Variants in GPC5 observed in about 807,000 individuals in gnomAD.
GPC5 encodes glypican-5.
Under a neutral mutation model 53.9 loss-of-function variants are expected in GPC5, and 47 were observed. The observed-to-expected ratio is 0.87, with a 90% confidence interval of 0.69 to 1.11. The LOEUF (loss-of-function observed/expected upper bound fraction) is 1.11. GPC5 is among the 50% of genes most tolerant of loss of function. GPC5 has a pLI of 0.00. For missense variants in GPC5, 748 were observed against 713.1 expected (o/e 1.05, Z -0.56); for synonymous variants, 286 against 263.3 (o/e 1.09, Z -0.84).
intron 2 of GPC5, among the ~76,000 whole-genome samples, chr13:91,587,566 T>C (rs531003997): frequency 6.6e-6 from 1 of 152,282 alleles, no homozygotes; most frequent in South Asian, 2.1e-4. Context: ...TCAGCAAATA[T>C]TTTAGAGGGA....
intron 6 of GPC5, among the ~76,000 whole-genome samples, chr13:91,923,586 A>T (rs1040886323): frequency 1.3e-5 from 2 of 151,808 alleles, no homozygotes; most frequent in Non-Finnish European, 2.9e-5. Context: ...TTATGAATGT[A>T]AGTTTTGCAT....
At chr13:92,106,379 C>T (rs1477028472) in intron 6 of GPC5, among the ~76,000 whole-genome samples, 3 of 151,986 alleles carry the variant, frequency 2.0e-5, no homozygotes, top group Non-Finnish European at 4.4e-5. Context: ...ATTTGAGCTA[C>T]ATGTATGAAA....
chr13:91,663,325 T>C (rs758064720), intron 2 of GPC5, among the ~76,000 whole-genome samples: 24 of 152,254 alleles, frequency 1.6e-4, no homozygotes, highest in Non-Finnish European at 2.9e-4. Flanking sequence ...ATTTATTTCC[T>C]CACTCCGTGT....
intron 5 of GPC5, among the ~76,000 whole-genome samples, chr13:91,834,427 C>T (rs2038699471): frequency 6.6e-6 from 1 of 152,012 alleles, no homozygotes; most frequent in African/African-American, 2.4e-5. Context: ...AAAAAGAGCC[C>T]ACACAGCCAA....
chr13:91,709,129 G>A (rs1392333751), intron 3 of GPC5, among the ~76,000 whole-genome samples: 1 of 152,160 alleles, frequency 6.6e-6, no homozygotes, highest in Admixed American at 6.5e-5. Flanking sequence ...GGCACTGCTA[G>A]ACATTGGGTA....
chr13:91,713,932 AT>A (rs2036281163), intron 3 of GPC5, among the ~76,000 whole-genome samples: 1 of 152,096 alleles, frequency 6.6e-6, no homozygotes. Context: ...AGTTAGTCTA[AT>A]CTCATCCAGT....
At chr13:91,911,810 A>G (rs2039613073) in intron 6 of GPC5, among the ~76,000 whole-genome samples, 1 of 152,220 alleles carries the variant, frequency 6.6e-6, no homozygotes, top group Admixed American at 6.5e-5. Flanking sequence ...TCTGGGAGAT[A>G]GAAGAAGGAT....
At chr13:92,163,236 C>T (rs140700044) in intron 7 of GPC5, among the ~76,000 whole-genome samples, 1,696 of 151,900 alleles carry the variant, frequency 0.011, 35 homozygotes, top group African/African-American at 0.039. Context: ...CCGAGGTGGG[C>T]GGATCACCTG....
rs1289231068 is a variant in GPC5 at position 92,671,317 on chromosome 13, G to C, written c.1562-194965G>C. Among the ~76,000 whole-genome samples the C allele has an allele frequency of 4.6e-5, 7 of 152,278 alleles. No individual in the cohort carries two copies. The East Asian group carries it at 1.4e-3, about 29-fold the overall frequency. On this transcript the variant is annotated intron_variant, in intron 7 of 7. Transcript: ENST00000377067. ...ATGGCCAATGGCAGCACCTAGATTA[G>C]AGTAGGTGCTCAGCCATGGATTCAC...
intron 6 of GPC5, among the ~76,000 whole-genome samples, chr13:91,956,622 T>A (rs2040076151): frequency 1.3e-5 from 2 of 152,262 alleles, no homozygotes; most frequent in African/African-American, 4.8e-5. Flanking sequence ...GAGACTGACC[T>A]ACCTGGCATC....
intron 7 of GPC5, among the ~76,000 whole-genome samples, chr13:92,628,258 TTCTTTC>T (rs1885112576): frequency 2.3e-5 from 3 of 130,898 alleles, no homozygotes; most frequent in Admixed American, 1.7e-4. Context: ...CTTTTTCTTT[TTCTTTC>T]TTTTTTTTTT....
chr13:92,279,795 C>G (rs2139166741), intron 7 of GPC5, among the ~76,000 whole-genome samples: 1 of 152,080 alleles, frequency 6.6e-6, no homozygotes. Context: ...ATAATTTATT[C>G]AGTATGCTTA....
chr13:92,225,569 A>T lies in GPC5; in HGVS notation c.1561+80580A>T, dbSNP rs529730830. Among the ~76,000 whole-genome samples the T allele has an allele frequency of 9.2e-5, 14 of 152,300 alleles. No homozygotes were observed. The South Asian group carries it at 2.7e-3, about 29-fold the overall frequency. ...TATAAATGATTAATGCAGTCCAATA[A>T]TTGTGATTAATTGACCTGAAATAAC... On this transcript the variant is annotated intron_variant, in intron 7 of 7. Coordinates refer to ENST00000377067, the MANE Select transcript of GPC5 (RefSeq NM_004466.6).
intron 7 of GPC5, among the ~76,000 whole-genome samples, chr13:92,700,330 G>A (rs1594431539): frequency 7.5e-6 from 1 of 133,040 alleles, no homozygotes; most frequent in Non-Finnish European, 1.6e-5. Context: ...GAGCCTATGT[G>A]TGTCTTTGCA....
In GPC5 at chr13:92,472,272, C is replaced by T. The variant is rs569706523; in HGVS notation, c.1561+327283C>T. Among the ~76,000 whole-genome samples, 142 of 152,154 alleles carry T rather than the reference C, an allele frequency of 9.3e-4. 1 individual carries two copies. Among genetic ancestry groups the T allele is most frequent in the African/African-American group, 3.3e-3 (136 of 41,528 alleles). On this transcript the variant is annotated intron_variant, in intron 7 of 7. Coordinates refer to ENST00000377067, the MANE Select transcript of GPC5 (RefSeq NM_004466.6). ...CTTCACTTCTATCCCCTTCTCTTTC[C>T]AGGAATATTTATTGGAAGTTTAATC...
intron 2 of GPC5, among the ~76,000 whole-genome samples, chr13:91,535,277 C>T (rs1322723594): frequency 6.6e-6 from 1 of 152,110 alleles, no homozygotes; most frequent in Non-Finnish European, 1.5e-5. Flanking sequence ...GATTATCATG[C>T]CTGCATTATG....
chr13:92,478,910 G>A (rs549445215), intron 7 of GPC5, among the ~76,000 whole-genome samples: 3 of 152,258 alleles, frequency 2.0e-5, no homozygotes, highest in South Asian at 4.1e-4. Flanking sequence ...GTAGCTGATG[G>A]TGCTGGATTG....
chr13:91,525,885 A>G (rs938135406), intron 2 of GPC5, among the ~76,000 whole-genome samples: 6 of 152,240 alleles, frequency 3.9e-5, no homozygotes, highest in Admixed American at 3.9e-4. Flanking sequence ...TATTACAAAA[A>G]TGATCCTAAA....
At chr13:91,534,214 TC>T (rs1307448478) in intron 2 of GPC5, among the ~76,000 whole-genome samples, 2 of 151,894 alleles carry the variant, frequency 1.3e-5, no homozygotes, top group Admixed American at 1.3e-4. Context: ...AAAAACATAT[TC>T]TCCCCTTTAT....
Sources: gnomAD v4.1 joint callset for allele counts (sites outside exome capture counted in the v4.1 genomes callset) on GRCh38, gnomAD v4.1.1 for gene constraint, MANE v1.5 for transcripts, NCBI Gene and HGNC (gene_info 2026-07-23, HGNC 2026-07-21) for gene names.